The following SYT1 variants were observed in gnomAD, a reference collection of about 807,000 sequenced individuals.
The protein encoded by SYT1 is synaptotagmin-1.
In SYT1, 8 loss-of-function variants were observed where a neutral mutation model predicts 44.8. The observed-to-expected ratio is 0.18, with a 90% CI of 0.10 to 0.32. SYT1 has a LOEUF of 0.32. Among genes scored for constraint, SYT1 ranks in the 10% least tolerant of loss-of-function variants. The pLI is 1.00. For missense variants in SYT1, 286 were observed against 509.3 expected (o/e 0.56, Z 4.22); for synonymous variants, 154 against 188.8 (o/e 0.82, Z 1.51).
chr12:78,880,270 G>A (rs1432887807), intron 1 of SYT1, among the ~76,000 whole-genome samples: 1 of 151,250 alleles, frequency 6.6e-6, no homozygotes, highest in African/African-American at 2.4e-5. Flanking sequence ...CCTTCCCACT[G>A]GATGGAATGC....
At chr12:79,286,472 C>G (rs1047606542) in intron 5 of SYT1, among the ~76,000 whole-genome samples, 2 of 152,116 alleles carry the variant, frequency 1.3e-5, no homozygotes, top group Non-Finnish European at 2.9e-5. Flanking sequence ...TAATGAGTTA[C>G]ATGGGAGAAG....
chr12:79,046,277 A>G (rs968952804), intron 2 of SYT1: 1 of 152,210 alleles, frequency 6.6e-6, no homozygotes, highest in Non-Finnish European at 1.5e-5. Context: ...CAATAGCTAG[A>G]GCTGCTGATA....
intron 2 of SYT1, among the ~76,000 whole-genome samples, chr12:79,040,178 G>T (rs1348237619): frequency 6.6e-6 from 1 of 151,842 alleles, no homozygotes; most frequent in East Asian, 1.9e-4. Context: ...TCTAGTTCCA[G>T]ATCCCTGAGG....
At chr12:79,071,688 C>T (rs1565792589) in intron 3 of SYT1, among the ~76,000 whole-genome samples, 1 of 152,242 alleles carries the variant, frequency 6.6e-6, no homozygotes, top group South Asian at 2.1e-4. Context: ...CTTCTGGTAG[C>T]CCCAGGCACT....
chr12:79,028,830 T>A (rs1038172141), intron 2 of SYT1, among the ~76,000 whole-genome samples: 5 of 151,318 alleles, frequency 3.3e-5, no homozygotes, highest in Admixed American at 2.6e-4. Flanking sequence ...AAGTAAAAAC[T>A]TCACTTTACC....
intron 9 of SYT1, among the ~76,000 whole-genome samples, chr12:79,370,537 C>T (rs1361838851): frequency 2.0e-5 from 3 of 152,004 alleles, no homozygotes; most frequent in Non-Finnish European, 4.4e-5. Flanking sequence ...CTGAGGCGGG[C>T]GGATCACGAG....
chr12:78,901,470 T>G (rs1328156373), intron 1 of SYT1, among the ~76,000 whole-genome samples: 1 of 152,150 alleles, frequency 6.6e-6, no homozygotes, highest in South Asian at 2.1e-4. Context: ...AAGGGAGGTC[T>G]TTTATATTTC....
chr12:78,995,140 TTAA>T (rs1870289690), intron 2 of SYT1, among the ~76,000 whole-genome samples: 1 of 152,184 alleles, frequency 6.6e-6, no homozygotes, highest in Non-Finnish European at 1.5e-5. Context: ...TAGGATTTTT[TTAA>T]ATCTCCCAGG....
intron 8 of SYT1, among the ~76,000 whole-genome samples, chr12:79,310,186 T>C (rs575672433): frequency 6.6e-6 from 1 of 152,198 alleles, no homozygotes; most frequent in South Asian, 2.1e-4. Context: ...CTTGAATTAA[T>C]TTTTGTATAA....
At chr12:79,376,112 C>T (rs758823691) in intron 9 of SYT1, among the ~76,000 whole-genome samples, 1 of 152,182 alleles carries the variant, frequency 6.6e-6, no homozygotes, top group Non-Finnish European at 1.5e-5. Context: ...CGCACTTCCT[C>T]CAAGAAACTT....
At chr12:79,229,496 T>C (rs1411581281) in intron 4 of SYT1, among the ~76,000 whole-genome samples, 1 of 152,236 alleles carries the variant, frequency 6.6e-6, no homozygotes, top group Non-Finnish European at 1.5e-5. Flanking sequence ...AAAGTGTGTC[T>C]GTGTGTGTAC....
chr12:79,177,047 A>G (rs200186731), intron 3 of SYT1, among the ~76,000 whole-genome samples: 2 of 13,992 alleles, frequency 1.4e-4, no homozygotes, highest in Non-Finnish European at 2.7e-4. Flanking sequence ...TTTTTTTTTT[A>G]TGTTTTTTTT....
intron 3 of SYT1, among the ~76,000 whole-genome samples, chr12:79,105,264 C>G (rs140012084): frequency 1.5e-4 from 23 of 152,262 alleles, no homozygotes; most frequent in African/African-American, 5.5e-4. Context: ...CCCAGCTTCC[C>G]ATGTGTGATG....
At chr12:79,198,787 A>G (rs1415932831) in intron 3 of SYT1, among the ~76,000 whole-genome samples, 3 of 152,322 alleles carry the variant, frequency 2.0e-5, no homozygotes, top group South Asian at 4.1e-4. Flanking sequence ...AGAAATTGCT[A>G]TAAAGCTTTT....
chr12:79,179,470 TAGATATAG>T (rs1335180085), intron 3 of SYT1, among the ~76,000 whole-genome samples: 5 of 95,862 alleles, frequency 5.2e-5, no homozygotes, highest in African/African-American at 8.8e-5. Flanking sequence ...TATATAGATA[TAGATATAG>T]AGATATAGAT....
chr12:79,131,220 G>A (rs1046522425), intron 3 of SYT1, among the ~76,000 whole-genome samples: 1 of 151,880 alleles, frequency 6.6e-6, no homozygotes, highest in African/African-American at 2.4e-5. Context: ...TGCCATGGTG[G>A]TTTGCTGCAC....
At chr12:79,087,181 A>G (rs1231208727) in intron 3 of SYT1, among the ~76,000 whole-genome samples, 1 of 152,100 alleles carries the variant, frequency 6.6e-6, no homozygotes, top group Non-Finnish European at 1.5e-5. Flanking sequence ...AGAGCAGTTA[A>G]TCCATCTCCA....
At chr12:79,235,654 TATA>T (rs1265745605) in intron 4 of SYT1, among the ~76,000 whole-genome samples, 2 of 148,822 alleles carry the variant, frequency 1.3e-5, no homozygotes, top group Admixed American at 1.3e-4. Flanking sequence ...AATGATTATA[TATA>T]ATGACATAGA....
At chr12:79,338,907 G>C (rs1882224288) in intron 8 of SYT1, among the ~76,000 whole-genome samples, 1 of 151,988 alleles carries the variant, frequency 6.6e-6, no homozygotes, top group Non-Finnish European at 1.5e-5. Flanking sequence ...CTATGAGTGA[G>C]AACATGCAGT....
Sources: gnomAD v4.1 joint callset for allele counts (sites outside exome capture counted in the v4.1 genomes callset) on GRCh38, gnomAD v4.1.1 for gene constraint, MANE v1.5 for transcripts, NCBI Gene and HGNC (gene_info 2026-07-23, HGNC 2026-07-21) for gene names.